The following RYR3 variants were observed in gnomAD, a reference collection of about 807,000 sequenced individuals.
RYR3 encodes the protein ryanodine receptor 3.
A neutral mutation model predicts 584.3 loss-of-function variants in RYR3; 207 were observed. The ratio of observed to expected loss-of-function variants is 0.35; its 90% CI spans 0.32 to 0.40. RYR3 has a LOEUF of 0.40. Ranked by LOEUF, RYR3 falls within the 10% of genes least tolerant of loss-of-function variation. RYR3 has a pLI of 1.00. For missense variants in RYR3, 5,616 were observed against 6,089.2 expected (o/e 0.92, Z 2.59); for synonymous variants, 2,416 against 2,248.5 (o/e 1.07, Z -2.11).
At chr15:33,793,921 A>T (rs866731149) in intron 67 of RYR3, among the ~76,000 whole-genome samples, 2 of 44,028 alleles carry the variant, frequency 4.5e-5, no homozygotes, top group Non-Finnish European at 7.6e-5. Flanking sequence ...ACACACACAC[A>T]CTCTATATAT....
chr15:33,407,158 A>G (rs1323829262), intron 1 of RYR3, among the ~76,000 whole-genome samples: 1 of 152,198 alleles, frequency 6.6e-6, no homozygotes, highest in East Asian at 1.9e-4. Flanking sequence ...ATAAAGCACT[A>G]ATCCATTCAT....
At chr15:33,667,118 G>A (rs1313791233) in intron 36 of RYR3, among the ~76,000 whole-genome samples, 1 of 152,154 alleles carries the variant, frequency 6.6e-6, no homozygotes, top group Non-Finnish European at 1.5e-5. Flanking sequence ...GCAAAATATG[G>A]TTTGCAGTAA....
At chr15:33,845,722 C>G (rs17817692) in intron 93 of RYR3, among the ~76,000 whole-genome samples, 24,881 of 152,228 alleles carry the variant, frequency 0.16, 2,326 homozygotes, top group Middle Eastern at 0.22. Flanking sequence ...CTAGTCATGA[C>G]AGAATCTTCT....
chr15:33,322,915 A>G (rs76385500), intron 1 of RYR3, among the ~76,000 whole-genome samples: 1,978 of 151,504 alleles, frequency 0.013, 42 homozygotes, highest in African/African-American at 0.046. Flanking sequence ...TTGTCAAACA[A>G]TGTATCATCT....
At chr15:33,469,865 A>G (rs1186302746) in intron 1 of RYR3, among the ~76,000 whole-genome samples, 1 of 152,174 alleles carries the variant, frequency 6.6e-6, no homozygotes. Context: ...GCAGAAGAAA[A>G]TAGAGATGGG....
intron 49 of RYR3, among the ~76,000 whole-genome samples, chr15:33,737,076 AG>A (rs2069544858): frequency 6.6e-6 from 1 of 152,126 alleles, no homozygotes; most frequent in Non-Finnish European, 1.5e-5. Flanking sequence ...CTTAACAAAA[AG>A]ACCACAGACC....
intron 17 of RYR3, 71 bp downstream of exon 17, chr15:33,601,623 G>A: frequency 6.4e-7 from 1 of 1,570,048 alleles, no homozygotes; most frequent in South Asian, 1.1e-5. Flanking sequence ...AGGAAAAGAG[G>A]GCTCATCTGA....
chr15:33,602,764 G>A (rs2059732867), intron 17 of RYR3, among the ~76,000 whole-genome samples: 1 of 60,896 alleles, frequency 1.6e-5, no homozygotes, highest in African/African-American at 6.4e-5. Flanking sequence ...TTTTTTTTTG[G>A]AGACAAGGTC....
intron 1 of RYR3, among the ~76,000 whole-genome samples, chr15:33,374,569 T>C (rs2040586397): frequency 6.6e-6 from 1 of 152,142 alleles, no homozygotes; most frequent in African/African-American, 2.4e-5. Context: ...CCAAGAAAAT[T>C]TCCTCAGCAC....
chr15:33,562,762 G>A (rs1451322099), intron 10 of RYR3, 75 bp from the exon 11 acceptor site: 2 of 1,084,960 alleles, frequency 1.8e-6, no homozygotes, highest in African/African-American at 3.2e-5. Flanking sequence ...TTCTTCATAG[G>A]TGATTCGTTT....
At chr15:33,648,226 T>C (rs1195483640) in intron 30 of RYR3, among the ~76,000 whole-genome samples, 1 of 152,198 alleles carries the variant, frequency 6.6e-6, no homozygotes, top group Admixed American at 6.5e-5. Flanking sequence ...CACAATATTA[T>C]GCACAGAGAG....
intron 1 of RYR3, among the ~76,000 whole-genome samples, chr15:33,386,627 A>C (rs2041620460): frequency 6.6e-6 from 1 of 152,166 alleles, no homozygotes; most frequent in Non-Finnish European, 1.5e-5. Context: ...ACCAATCTCC[A>C]CAACTTTTTC....
At chr15:33,712,272 T>C (rs1199670451) in intron 43 of RYR3, among the ~76,000 whole-genome samples, 1 of 152,082 alleles carries the variant, frequency 6.6e-6, no homozygotes, top group South Asian at 2.1e-4. Context: ...ACCTCCAGCA[T>C]TGGGGATTAC....
At chr15:33,611,870 G>A (rs2060210434) in intron 18 of RYR3, among the ~76,000 whole-genome samples, 1 of 152,058 alleles carries the variant, frequency 6.6e-6, no homozygotes, top group Non-Finnish European at 1.5e-5. Flanking sequence ...TGTTGGCCAG[G>A]CTGGTCTCAA....
intron 75 of RYR3, among the ~76,000 whole-genome samples, chr15:33,818,305 CT>C (rs1302010327): frequency 2.6e-5 from 4 of 152,280 alleles, no homozygotes; most frequent in Non-Finnish European, 1.5e-5. Context: ...TATGGGCAGC[CT>C]TTTGCTTTTT....
chr15:33,748,603 A>C (rs188572794), intron 55 of RYR3, 73 bp downstream of exon 55: 20 of 1,243,222 alleles, frequency 1.6e-5, no homozygotes, highest in Non-Finnish European at 2.2e-5. Flanking sequence ...TTAAAGGGGG[A>C]AAAAAGGGAA....
At chr15:33,721,907 T>C (rs2067955305) in intron 43 of RYR3, among the ~76,000 whole-genome samples, 1 of 152,214 alleles carries the variant, frequency 6.6e-6, no homozygotes, top group African/African-American at 2.4e-5. Flanking sequence ...CCTATCTTCA[T>C]TATCTATGGT....
intron 1 of RYR3, among the ~76,000 whole-genome samples, chr15:33,318,972 A>G (rs1028993253): frequency 5.9e-5 from 9 of 152,332 alleles, no homozygotes; most frequent in South Asian, 2.1e-4. Flanking sequence ...AGCAATTCCT[A>G]TAGCAAAAAA....
chr15:33,836,209 G>GA (rs2078042142), intron 87 of RYR3, among the ~76,000 whole-genome samples: 1 of 149,754 alleles, frequency 6.7e-6, no homozygotes, highest in South Asian at 2.1e-4. Flanking sequence ...TGAGGGGGGG[G>GA]TCTGTAAAAG....
Sources: allele counts gnomAD v4.1 joint callset (sites outside exome capture counted in the v4.1 genomes callset), GRCh38; gene constraint gnomAD v4.1.1; transcripts MANE v1.5; gene names NCBI Gene and HGNC (gene_info 2026-07-23, HGNC 2026-07-21).